Variants in ATM observed in about 807,000 individuals in gnomAD.
The protein encoded by ATM is ATM serine/threonine kinase.
A neutral mutation model predicts 387.0 loss-of-function variants in ATM; 308 were observed. The ratio of observed to expected loss-of-function variants is 0.80; its 90% CI spans 0.73 to 0.87. ATM has a LOEUF of 0.87. ATM is among the 40% of genes least tolerant of loss of function. ATM has a pLI of 0.00. For synonymous variants in ATM, 1,156 were observed against 1,187.3 expected, an observed-to-expected ratio of 0.97 and a Z score of 0.54; for missense variants, 3,312 against 3,560.9, an observed-to-expected ratio of 0.93 and a Z score of 1.78.
intron 29 of ATM, 70 bp downstream of exon 29, chr11:108,289,871 T>A (rs2082691473): frequency 6.8e-7 from 1 of 1,472,198 alleles, no homozygotes. Context: ...TTTGCTTTGT[T>A]TTGTTTTGTT....
rs748910879 is a variant in ATM at position 108,367,662 on chromosome 11, G to C, written c.*2154G>C. ...TAAATTTTTTTCTTATGAAGAGTTG[G>C]CATTTCTTTTTATTGCCAATGGCAG... On this transcript the variant is annotated 3_prime_UTR_variant, in exon 63 of 63. Transcript: ENST00000675843. 4 of 212,816 alleles carry C rather than the reference G, an allele frequency of 1.9e-5. No homozygotes were observed. Among genetic ancestry groups the C allele is most frequent in the Non-Finnish European group, 2.9e-5 (3 of 105,002 alleles). The allele number at this position is 212,816 out of a possible 1,614,324, so 13.2% of individuals were successfully genotyped here. A position where few individuals can be genotyped will look rare whatever the true frequency, so the allele number is the denominator to read the frequency against.
At chr11:108,364,070 G>T (rs1201546476) in intron 61 of ATM, among the ~76,000 whole-genome samples, 2 of 152,044 alleles carry the variant, frequency 1.3e-5, no homozygotes, top group African/African-American at 4.8e-5. Context: ...AGTATTTAAT[G>T]GTCCTGGAGG....
In ATM at chr11:108,317,458, TAGA is replaced by T. The variant is rs1438832755; in HGVS notation, c.6289_6291del (p.Glu2097del). 1.9e-6 allele frequency: 3 copies of T among 1,612,368 alleles called. No individual in the cohort carries two copies. In the South Asian group the frequency reaches 3.3e-5, roughly 18 times the overall value. On this transcript the variant is annotated inframe_deletion, in exon 43 of 63. Coordinates refer to ENST00000675843, the MANE Select transcript of ATM (RefSeq NM_000051.4). ...GAAAATAAAGACTGGTGTCCTGAAC[TAGA>T]AGAACTTCATTACCAAGCAGCATGG... is the stretch of plus-strand genomic sequence containing the variant.
At chr11:108,242,029 CT>C (rs1176665295) in intron 5 of ATM, among the ~76,000 whole-genome samples, 1 of 151,880 alleles carries the variant, frequency 6.6e-6, no homozygotes, top group Middle Eastern at 3.4e-3. Context: ...TCCTCGATGT[CT>C]TTTTATGGCT....
chr11:108,227,265 C>T, intron 1 of ATM: 1 of 197,944 alleles, frequency 5.1e-6, no homozygotes, highest in Non-Finnish European at 1.0e-5. Context: ...CCCACCTTGG[C>T]CTCCCAAAGT....
intron 22 of ATM, among the ~76,000 whole-genome samples, chr11:108,275,582 G>C (rs1174345406): frequency 6.6e-6 from 1 of 152,138 alleles, no homozygotes; most frequent in African/African-American, 2.4e-5. Context: ...CTCAGCATTT[G>C]CTTGTCTATA....
Position 108,244,789 on chromosome 11 carries a change from C to T in ATM, c.664C>T (p.Gln222Ter), listed in dbSNP as rs1555066917. The T allele has an allele frequency of 6.2e-7, 1 of 1,611,428 alleles. No homozygotes were observed. The highest frequency in any genetic ancestry group is 8.5e-7 in the Non-Finnish European group (1 of 1,177,928). ...TTGAGCTTGTTTGTTTCTTCACAGA[C>T]AAGAAAAGAGCTCTTCAGGTCTAAA... The part of the protein sequence containing the change: ...FFSKAIQCAR[Q>*]EKSSSGLNHI... Residue 222 changes from glutamine to a stop codon, truncating the protein, a stop_gained and splice_region_variant, in exon 7 of 63, where the codon CAA becomes TAA. Transcript: ENST00000675843. LOFTEE classifies it high-confidence loss of function.
At chr11:108,295,325 G>C in intron 32 of ATM, 1 of 380,982 alleles carries the variant, frequency 2.6e-6, no homozygotes, top group Non-Finnish European at 4.8e-6. Context: ...TTTTTTTTAA[G>C]AGACAGAGTT....
intron 17 of ATM, 36 bp from the exon 18 acceptor site, chr11:108,268,374 C>T (rs752861710): frequency 3.8e-6 from 6 of 1,595,526 alleles, no homozygotes; most frequent in East Asian, 2.2e-5. Flanking sequence ...CTGTTGTGCC[C>T]TTCTCTTAGT....
At chr11:108,290,136 G>T in intron 29 of ATM, 1 of 222,154 alleles carries the variant, frequency 4.5e-6, no homozygotes, top group South Asian at 9.2e-5. Context: ...TGGGATTACA[G>T]GCATGAGCTA....
At chr11:108,232,816 T>C (rs1398841690) in intron 4 of ATM, among the ~76,000 whole-genome samples, 3 of 151,802 alleles carry the variant, frequency 2.0e-5, no homozygotes, top group Non-Finnish European at 4.4e-5. Flanking sequence ...GCTGGGATTA[T>C]AGGTGTGAGC....
chr11:108,325,995 A>G (rs2085638501), intron 46 of ATM, 63 bp from the exon 47 acceptor site: 1 of 1,564,822 alleles, frequency 6.4e-7, no homozygotes, highest in South Asian at 1.1e-5. Flanking sequence ...CATTATTATT[A>G]TTATTCATGG....
At chr11:108,353,135 TATCTC>T (rs1334717567) in intron 59 of ATM, among the ~76,000 whole-genome samples, 4 of 152,152 alleles carry the variant, frequency 2.6e-5, no homozygotes, top group Admixed American at 2.6e-4. Context: ...AACATATAAT[TATCTC>T]ATAAAATGTC....
At chr11:108,339,657 T>C (rs2087275840) in intron 56 of ATM, among the ~76,000 whole-genome samples, 1 of 152,124 alleles carries the variant, frequency 6.6e-6, no homozygotes, top group Admixed American at 6.5e-5. Context: ...ACATCACAGT[T>C]GAGACTCTAA....
intron 59 of ATM, among the ~76,000 whole-genome samples, chr11:108,352,804 A>G (rs1198146071): frequency 6.6e-6 from 1 of 152,224 alleles, no homozygotes; most frequent in Non-Finnish European, 1.5e-5. Context: ...GTAAAAAGCT[A>G]TTCCCAAAAG....
Position 108,343,346 on chromosome 11 carries a change from C to A in ATM, c.8393C>A (p.Ala2798Asp), listed in dbSNP as rs772992098. The A allele has an allele frequency of 4.3e-6, 7 of 1,613,712 alleles. No individual in the cohort carries two copies. Among genetic ancestry groups the A allele is most frequent in the Non-Finnish European group, 5.1e-6 (6 of 1,179,846 alleles). ...HKRYRPNDFS[A>D]FQCQKKMMEV... ...AGATACAGGCCAAATGATTTCAGTG[C>A]CTTTCAGTGCCAAAAGAAAATGATG... Residue 2798 changes from alanine (A) to aspartate (D), a missense_variant, in exon 57 of 63, where the codon GCC becomes GAC. By Grantham distance (126) the Ala-to-Asp change is moderately radical. Coordinates refer to ENST00000675843, the MANE Select transcript of ATM (RefSeq NM_000051.4).
intron 28 of ATM, 76 bp from the exon 29 acceptor site, chr11:108,289,526 G>GA: frequency 1.8e-6 from 2 of 1,106,068 alleles, no homozygotes; most frequent in Middle Eastern, 3.0e-4. Context: ...AATATTTGAA[G>GA]AAAAAATATA....
rs1555072574 is a variant in ATM at position 108,252,895 on chromosome 11, C to T, written c.1881C>T (p.Phe627=). ...MKNCKAAMNF[F]QSVPECEHHQ... ...ACTGTAAAGCTGCAATGAATTTTTTCCAAAGCGTGCCAGAATGGTATGTTA... is the reference window on the plus strand; with the variant it reads ...ACTGTAAAGCTGCAATGAATTTTTTTCAAAGCGTGCCAGAATGGTATGTTA... The change falls in exon 12 of 63, where the codon TTC becomes TTT. Residue 627 remains phenylalanine, a synonymous_variant. Coordinates refer to ENST00000675843, the MANE Select transcript of ATM (RefSeq NM_000051.4). The T allele has an allele frequency of 2.5e-6, 4 of 1,611,242 alleles. No individual in the cohort carries two copies. The highest frequency in any genetic ancestry group is 2.5e-6 in the Non-Finnish European group (3 of 1,177,916).
chr11:108,287,835 T>C, intron 27 of ATM, 120 bp downstream of exon 27: 2 of 729,382 alleles, frequency 2.7e-6, no homozygotes, highest in Non-Finnish European at 4.5e-6. Context: ...TAAAAAATTT[T>C]CTTTAAAAAT....
Sources: allele counts gnomAD v4.1 joint callset (sites outside exome capture counted in the v4.1 genomes callset), GRCh38; gene constraint gnomAD v4.1.1; transcripts MANE v1.5; gene names NCBI Gene and HGNC (gene_info 2026-07-23, HGNC 2026-07-21).